The following LRRIQ1 variants were observed in gnomAD, a reference collection of about 807,000 sequenced individuals.
LRRIQ1 encodes leucine-rich repeat- and IQ domain-containing protein 1.
A neutral mutation model predicts 211.9 loss-of-function variants in LRRIQ1; 210 were observed. The observed-to-expected ratio is 0.99, with a 90% CI of 0.89 to 1.11. The LOEUF (loss-of-function observed/expected upper bound fraction) is 1.11. Ranked by LOEUF, LRRIQ1 falls within the 50% of genes most tolerant of loss-of-function variation. LRRIQ1 has a pLI of 0.00. For missense variants in LRRIQ1, 2,136 were observed against 1,939.5 expected, an observed-to-expected ratio of 1.10 and a Z score of -1.90; for synonymous variants, 699 against 650.1, an observed-to-expected ratio of 1.08 and a Z score of -1.14.
Position 85,102,959 on chromosome 12 carries a change from A to ATAT in LRRIQ1, c.3210-1045_3210-1044insTAT, listed in dbSNP as rs1555207753. Among the ~76,000 whole-genome samples the ATAT allele has an allele frequency of 7.3e-3, 786 of 108,394 alleles. 4 individuals carry two copies. Among genetic ancestry groups the ATAT allele is most frequent in the Non-Finnish European group, 0.01 (578 of 56,772 alleles). The allele number at this position is 108,394 out of a possible 152,430, so 71.1% of individuals were successfully genotyped here. A position where few individuals can be genotyped will look rare whatever the true frequency, so the allele number is the denominator to read the frequency against. ...CTAATTGTGGCAAAAAAAAAAAAAA[A>ATAT]ATATATATATATATATATATATATA... On this transcript the variant is annotated intron_variant, in intron 13 of 26. Coordinates refer to ENST00000393217, the MANE Select transcript of LRRIQ1 (RefSeq NM_001079910.2).
chr12:85,056,632 A>G lies in LRRIQ1; in HGVS notation c.1839A>G (p.Ser613=), dbSNP rs1390005998. 25 of 1,594,426 alleles carry G rather than the reference A, an allele frequency of 1.6e-5. No individual in the cohort carries two copies. The highest frequency in any genetic ancestry group is 2.1e-5 in the Non-Finnish European group (25 of 1,172,258). The part of the protein sequence containing the change: ...DTLVISVKQR[S]LSLTSENSKD... The stretch of plus-strand genomic sequence containing the variant: ...TAGTTATTTCAGTGAAACAAAGATC[A>G]CTCTCACTAACATCAGAAAATTCCA... Residue 613 remains serine (S), a synonymous_variant, in exon 8 of 27, where the codon TCA becomes TCG. Transcript: ENST00000393217.
At chr12:85,068,665 C>A (rs1011173063) in intron 10 of LRRIQ1, among the ~76,000 whole-genome samples, 3 of 151,634 alleles carry the variant, frequency 2.0e-5, no homozygotes, top group Non-Finnish European at 2.9e-5. Context: ...ACTGATAGCA[C>A]GTAATCAAAT....
chr12:85,108,986 A>T (rs1425533040), intron 15 of LRRIQ1, among the ~76,000 whole-genome samples: 2 of 152,118 alleles, frequency 1.3e-5, no homozygotes, highest in African/African-American at 4.8e-5. Context: ...CTAAAAAAAA[A>T]ATAGCTATAA....
intron 19 of LRRIQ1, among the ~76,000 whole-genome samples, chr12:85,150,736 G>C (rs987321115): frequency 1.3e-5 from 2 of 151,382 alleles, no homozygotes; most frequent in South Asian, 4.2e-4. Context: ...CATGGCTCTG[G>C]TGAGAGAGCT....
chr12:85,098,859 A>G lies in LRRIQ1; in HGVS notation c.3082-8A>G. On this transcript the variant is annotated splice_region_variant and splice_polypyrimidine_tract_variant and intron_variant, in intron 12 of 26. Coordinates refer to ENST00000393217, the MANE Select transcript of LRRIQ1 (RefSeq NM_001079910.2). Reference sequence around the variant, plus strand: ...TAATATAAACTAATGAACCAAATTTAAATATAGCTTCCATCCTTGGAGAAT... The same window carrying G: ...TAATATAAACTAATGAACCAAATTTGAATATAGCTTCCATCCTTGGAGAAT... 6.5e-7 allele frequency: 1 copy of G among 1,538,404 alleles called. No individual in the cohort carries two copies. Among genetic ancestry groups the G allele is most frequent in the Non-Finnish European group, 8.8e-7 (1 of 1,141,768 alleles).
In LRRIQ1 at chr12:85,217,594, GTATATATGTATATGTGTA is replaced by G. The variant is rs1229355920; in HGVS notation, c.4823-11909_4823-11892del. The stretch of plus-strand genomic sequence containing the variant: ...TGTGTATACATATGTATATATATAT[GTATATATGTATATGTGTA>G]TATATATGTATATATGTATATATGT... On this transcript the variant is annotated intron_variant, in intron 24 of 26. Coordinates refer to ENST00000393217, the MANE Select transcript of LRRIQ1 (RefSeq NM_001079910.2). Among the ~76,000 whole-genome samples the G allele has an allele frequency of 5.3e-5, 6 of 114,128 alleles. No homozygotes were observed. In the East Asian group the frequency reaches 1.0e-3, roughly 19 times the overall value. The allele number at this position is 114,128 out of a possible 152,430, so 74.9% of individuals were successfully genotyped here. A position where few individuals can be genotyped will look rare whatever the true frequency, so the allele number is the denominator to read the frequency against.
intron 19 of LRRIQ1, among the ~76,000 whole-genome samples, chr12:85,140,498 A>G (rs1437735124): frequency 1.3e-5 from 2 of 151,348 alleles, no homozygotes; most frequent in East Asian, 3.9e-4. Context: ...TTATCTGTCA[A>G]ATATTTTGAA....
chr12:85,143,231 T>C (rs1434733031), intron 19 of LRRIQ1, among the ~76,000 whole-genome samples: 1 of 151,792 alleles, frequency 6.6e-6, no homozygotes, highest in African/African-American at 2.4e-5. Flanking sequence ...TTTTTTCATA[T>C]ACCTATTAGC....
In LRRIQ1 at chr12:85,211,511, A is replaced by G. The variant is rs1893836165; in HGVS notation, c.4823-18006A>G. Among the ~76,000 whole-genome samples the G allele has an allele frequency of 3.3e-5, 5 of 152,206 alleles. No homozygotes were observed. The South Asian group carries it at 1.0e-3, about 32-fold the overall frequency. On this transcript the variant is annotated intron_variant, in intron 24 of 26. Coordinates refer to ENST00000393217, the MANE Select transcript of LRRIQ1 (RefSeq NM_001079910.2). The stretch of plus-strand genomic sequence containing the variant: ...ACAAACAAGCCTTATCCCTAAAAAC[A>G]TGCCATTTTATGTAGCAGAGAGAGA...
chr12:85,266,363 A>G (rs752816893), downstream of LRRIQ1, among the ~76,000 whole-genome samples: 17 of 152,146 alleles, frequency 1.1e-4, no homozygotes, highest in Admixed American at 2.0e-4. Context: ...AGCCAACAGC[A>G]GTCGCGTAAG....
intron 1 of LRRIQ1, among the ~76,000 whole-genome samples, chr12:85,256,499 C>A (rs910834429): frequency 6.6e-6 from 1 of 151,614 alleles, no homozygotes; most frequent in Non-Finnish European, 1.5e-5. Flanking sequence ...AATAAATCCT[C>A]AGGCTAGTTA....
intron 1 of LRRIQ1, among the ~76,000 whole-genome samples, chr12:85,258,333 G>A (rs1896183811): frequency 6.6e-6 from 1 of 151,698 alleles, no homozygotes; most frequent in Non-Finnish European, 1.5e-5. Flanking sequence ...ATGTGTCATG[G>A]TTCAATTGGG....
chr12:85,219,476 T>C (rs1894299855), intron 24 of LRRIQ1, among the ~76,000 whole-genome samples: 1 of 152,140 alleles, frequency 6.6e-6, no homozygotes, highest in Admixed American at 6.5e-5. Flanking sequence ...TTTATTTTTC[T>C]TTGCCTTCAT....
At position 85,127,957 on chromosome 12, in the gene LRRIQ1, CT is replaced by C. The variant is rs748735366; in HGVS notation, c.4134del (p.Ile1379PhefsTer2). 1 of 1,613,448 alleles carries C rather than the reference CT, an allele frequency of 6.2e-7. No individual in the cohort carries two copies. On this transcript the variant is annotated frameshift_variant, in exon 18 of 27. Transcript: ENST00000393217. LOFTEE classifies it high-confidence loss of function. The part of the protein sequence containing the change: ...GLPNSSIKNQ[T>X]ILKKGKRENI... The stretch of plus-strand genomic sequence containing the variant: ...CCAAATTCTTCCATCAAGAATCAGA[CT>C]ATTTTAAAGAAAGGAAAAAGAGAAA...
At chr12:85,255,129 C>A (rs1168094184) in intron 1 of LRRIQ1, among the ~76,000 whole-genome samples, 1 of 151,514 alleles carries the variant, frequency 6.6e-6, no homozygotes, top group African/African-American at 2.4e-5. Context: ...TGCTGAAGAG[C>A]AAATGGATAA....
the LRRIQ1 span, among the ~76,000 whole-genome samples, chr12:85,271,887 A>T: frequency 0.23 from 34,655 of 152,072 alleles, 10,234 homozygotes; most frequent in African/African-American, 0.69. Flanking sequence ...TAGATGGCCA[A>T]CCTAGGAATG....
Position 85,056,686 on chromosome 12 carries a change from A to G in LRRIQ1, c.1893A>G (p.Gln631=), listed in dbSNP as rs1881127569. The change falls in exon 8 of 27, where the codon CAA becomes CAG. Residue 631 remains glutamine, a synonymous_variant. Coordinates refer to ENST00000393217, the MANE Select transcript of LRRIQ1 (RefSeq NM_001079910.2). ...SKDVRENVIL[Q]EKEIYSKSKE... is the part of the protein sequence containing the mutation. ...ATGTAAGAGAAAACGTAATATTACA[A>G]GAAAAAGAAATTTATTCAAAATCCA... 6.2e-7 allele frequency: 1 copy of G among 1,606,374 alleles called. No individual in the cohort carries two copies. The highest frequency in any genetic ancestry group is 8.5e-7 in the Non-Finnish European group (1 of 1,177,116).
In LRRIQ1 at chr12:85,041,553, G is replaced by T. The variant is rs1565778602; in HGVS notation, c.244+952G>T. 2.6e-5 allele frequency among the ~76,000 whole-genome samples: 4 copies of T among 151,524 alleles called. No homozygotes were observed. In the South Asian group the frequency reaches 8.3e-4, roughly 32 times the overall value. On this transcript the variant is annotated intron_variant, in intron 3 of 26. Transcript: ENST00000393217. ...ATCTAGGAAGCCTGTATTCTGGAAA[G>T]AGGGAAGTATAAAGGCCCACTGAGT...
chr12:85,145,863 T>G (rs1167757624), intron 19 of LRRIQ1, among the ~76,000 whole-genome samples: 1 of 151,752 alleles, frequency 6.6e-6, no homozygotes, highest in Non-Finnish European at 1.5e-5. Context: ...TGTAACAAAA[T>G]CTGTCGTAAG....
Sources: allele counts gnomAD v4.1 joint callset (sites outside exome capture counted in the v4.1 genomes callset), GRCh38; gene constraint gnomAD v4.1.1; transcripts MANE v1.5; gene names NCBI Gene and HGNC (gene_info 2026-07-23, HGNC 2026-07-21).